The following MEGF11 variants were observed in gnomAD, a reference collection of about 807,000 sequenced individuals.
MEGF11 encodes multiple epidermal growth factor-like domains protein 11.
MEGF11 carries 126 observed loss-of-function variants against 146.6 expected under a neutral mutation model. That is an observed-to-expected ratio of 0.86 (90% CI 0.74 to 1.00). The LOEUF is 1.00. MEGF11 is among the 50% of genes least tolerant of loss of function. MEGF11 has a pLI of 0.00. For synonymous variants in MEGF11, 532 were observed against 583.4 expected (o/e 0.91, Z 1.27); for missense variants, 1,509 against 1,521.2 (o/e 0.99, Z 0.13).
chr15:66,084,428 C>G (rs546819413), intron 5 of MEGF11, among the ~76,000 whole-genome samples: 25 of 152,266 alleles, frequency 1.6e-4, no homozygotes, highest in Admixed American at 5.9e-4. Flanking sequence ...ACCACAGACC[C>G]TCTGAAGGAA....
At chr15:66,125,190 T>C (rs1375535352) in intron 2 of MEGF11, among the ~76,000 whole-genome samples, 1 of 152,010 alleles carries the variant, frequency 6.6e-6, no homozygotes, top group Non-Finnish European at 1.5e-5. Context: ...TCTGTTTCTC[T>C]GAAGCACTGG....
chr15:66,038,962 G>A (rs1220635676), intron 5 of MEGF11, among the ~76,000 whole-genome samples: 1 of 152,178 alleles, frequency 6.6e-6, no homozygotes, highest in Non-Finnish European at 1.5e-5. Context: ...ACTCCTGCCA[G>A]TGCAGTCTAG....
chr15:66,041,665 C>T (rs868059812), intron 5 of MEGF11, among the ~76,000 whole-genome samples: 7 of 152,322 alleles, frequency 4.6e-5, no homozygotes, highest in East Asian at 1.9e-4. Context: ...AGAGTGGAAT[C>T]GTTGCGACAG....
intron 1 of MEGF11, among the ~76,000 whole-genome samples, chr15:66,222,397 C>T (rs1439555975): frequency 6.6e-6 from 1 of 152,190 alleles, no homozygotes; most frequent in East Asian, 1.9e-4. Context: ...AATCTTCCTT[C>T]CTTGACGCCT....
Position 65,896,155 on chromosome 15 carries a change from A to AT in MEGF11, c.*1778dup, listed in dbSNP as rs1383369088. On this transcript the variant is annotated 3_prime_UTR_variant, in exon 26 of 26. Transcript: ENST00000395614. ...ATTTCTTTCTACATATGTATGAGAA[A>AT]TATTTACTTGGGTCTCCAAAGTAAT... 1 of 152,608 alleles carries AT rather than the reference A, an allele frequency of 6.6e-6. No homozygotes were observed. The highest frequency in any genetic ancestry group is 1.5e-5 in the Non-Finnish European group (1 of 68,036). The allele number at this position is 152,608 out of a possible 1,614,324, so 9.5% of individuals were successfully genotyped here.
intron 10 of MEGF11, among the ~76,000 whole-genome samples, chr15:65,955,761 AATATAT>A (rs1229131259): frequency 1.4e-3 from 21 of 14,704 alleles, no homozygotes; most frequent in African/African-American, 5.6e-3. Context: ...AAAAAAAAAA[AATATAT>A]ATATATATAT....
chr15:66,194,634 G>C (rs532055161), intron 1 of MEGF11, among the ~76,000 whole-genome samples: 1 of 140,024 alleles, frequency 7.1e-6, no homozygotes, highest in East Asian at 2.3e-4. Context: ...CAAACAAAAA[G>C]AATGATACAA....
intron 1 of MEGF11, among the ~76,000 whole-genome samples, chr15:66,136,208 G>A (rs1283554622): frequency 6.6e-6 from 1 of 152,224 alleles, no homozygotes; most frequent in African/African-American, 2.4e-5. Flanking sequence ...GGTAATGCAG[G>A]TGGTGCCCTG....
chr15:65,954,639 G>T (rs2080516741), intron 10 of MEGF11, among the ~76,000 whole-genome samples: 1 of 152,192 alleles, frequency 6.6e-6, no homozygotes, highest in Non-Finnish European at 1.5e-5. Context: ...CAGGCAGGGG[G>T]CATTCCACAG....
At chr15:66,132,579 G>T (rs1307163826) in intron 1 of MEGF11, among the ~76,000 whole-genome samples, 1 of 152,198 alleles carries the variant, frequency 6.6e-6, no homozygotes, top group Non-Finnish European at 1.5e-5. Flanking sequence ...GCCCAGGGAA[G>T]TTCCCACTCC....
intron 8 of MEGF11, among the ~76,000 whole-genome samples, chr15:65,966,063 T>C (rs558879996): frequency 5.3e-4 from 80 of 152,328 alleles, no homozygotes; most frequent in African/African-American, 1.8e-3. Flanking sequence ...TGGAATGGCA[T>C]GATCTTGCTG....
intron 5 of MEGF11, among the ~76,000 whole-genome samples, chr15:66,059,453 C>T (rs2084811227): frequency 6.6e-6 from 1 of 152,096 alleles, no homozygotes; most frequent in African/African-American, 2.4e-5. Context: ...TCATCGGCTG[C>T]CATATTTGCC....
chr15:66,001,141 G>A (rs772331639), intron 5 of MEGF11, among the ~76,000 whole-genome samples: 6 of 152,132 alleles, frequency 3.9e-5, no homozygotes, highest in Non-Finnish European at 8.8e-5. Context: ...GGGAGCAGCC[G>A]CCAGCAGTGT....
intron 5 of MEGF11, among the ~76,000 whole-genome samples, chr15:66,071,457 C>A (rs551894654): frequency 6.6e-6 from 1 of 152,336 alleles, no homozygotes; most frequent in East Asian, 1.9e-4. Context: ...GAGCTGAGAG[C>A]AAATGTGGAG....
At chr15:66,191,059 G>A (rs1373643047) in intron 1 of MEGF11, among the ~76,000 whole-genome samples, 1 of 152,090 alleles carries the variant, frequency 6.6e-6, no homozygotes, top group African/African-American at 2.4e-5. Flanking sequence ...TTCCAGGGAT[G>A]GAAGAAAAGC....
intron 5 of MEGF11, among the ~76,000 whole-genome samples, chr15:66,025,315 G>GT (rs1464130991): frequency 2.0e-5 from 3 of 152,106 alleles, no homozygotes; most frequent in Admixed American, 1.3e-4. Flanking sequence ...TGATTCCTGA[G>GT]TGGGGGGGCT....
Position 66,204,091 on chromosome 15 carries a change from A to G in MEGF11, c.-9+49514T>C, listed in dbSNP as rs939339613. Among the ~76,000 whole-genome samples, 55 of 150,202 alleles carry G rather than the reference A, an allele frequency of 3.7e-4. No individual in the cohort carries two copies. The South Asian group carries it at 7.9e-3, about 22-fold the overall frequency. Reference sequence around the variant, plus strand: ...GATCTCATCTCTATTAAAGGGGGAAAAAAAAAAAGGTTCTACAAAAAAGAT... The same window carrying G: ...GATCTCATCTCTATTAAAGGGGGAAGAAAAAAAAGGTTCTACAAAAAAGAT... On this transcript the variant is annotated intron_variant, in intron 1 of 25. Transcript: ENST00000395614.
At chr15:66,211,583 T>C (rs2091454604) in intron 1 of MEGF11, among the ~76,000 whole-genome samples, 1 of 149,134 alleles carries the variant, frequency 6.7e-6, no homozygotes, top group Admixed American at 6.7e-5. Context: ...AAGCCGAGGG[T>C]CTCTCAGCCA....
At chr15:66,075,696 G>T (rs995072639) in intron 5 of MEGF11, among the ~76,000 whole-genome samples, 1 of 152,296 alleles carries the variant, frequency 6.6e-6, no homozygotes, top group Non-Finnish European at 1.5e-5. Flanking sequence ...AGAAAAGGTC[G>T]GGACCCAGAA....
Sources: gnomAD v4.1 joint callset for allele counts (sites outside exome capture counted in the v4.1 genomes callset) on GRCh38, gnomAD v4.1.1 for gene constraint, MANE v1.5 for transcripts, NCBI Gene and HGNC (gene_info 2026-07-23, HGNC 2026-07-21) for gene names.